The following SLA variants were observed in gnomAD, a reference collection of about 807,000 sequenced individuals.
SLA encodes Src like adaptor.
Under a neutral mutation model 30.3 loss-of-function variants are expected in SLA, and 16 were observed. That is an observed-to-expected ratio of 0.53 (90% CI 0.36 to 0.80). The LOEUF (loss-of-function observed/expected upper bound fraction) is 0.80, where lower values mean the gene tolerates loss of function less well. Among genes scored for constraint, SLA ranks in the 30% least tolerant of loss-of-function variants. The probability of loss-of-function intolerance (pLI) is 0.01; values close to 1 mark genes in which losing one functional copy is unlikely to be tolerated. For missense variants in SLA, 310 were observed against 345.2 expected, an observed-to-expected ratio of 0.90 and a Z score of 0.81; for synonymous variants, 143 against 137.8, an observed-to-expected ratio of 1.04 and a Z score of -0.26.
intron 7 of SLA, among the ~76,000 whole-genome samples, chr8:133,041,700 C>A (rs1012595828): frequency 1.3e-5 from 2 of 151,960 alleles, no homozygotes; most frequent in Non-Finnish European, 1.5e-5. Flanking sequence ...AAAGAACCAC[C>A]ACTCATAAGC....
At chr8:133,042,106 T>C (rs1181438762) in intron 7 of SLA, among the ~76,000 whole-genome samples, 2 of 152,040 alleles carry the variant, frequency 1.3e-5, no homozygotes, top group Non-Finnish European at 2.9e-5. Flanking sequence ...TTTATACCCA[T>C]TTTGGGGAGG....
intron 7 of SLA, among the ~76,000 whole-genome samples, chr8:133,044,464 A>G (rs1838920589): frequency 1.3e-5 from 2 of 152,182 alleles, no homozygotes; most frequent in Non-Finnish European, 2.9e-5. Context: ...ACAGCCTAGC[A>G]CACAATTAAC....
intron 1 of SLA, among the ~76,000 whole-genome samples, chr8:133,090,768 G>T (rs1847378763): frequency 6.6e-6 from 1 of 152,196 alleles, no homozygotes. Context: ...AGCTCAGAAA[G>T]ACAAAGGAAA....
chr8:133,078,425 G>C (rs57893191), intron 1 of SLA, among the ~76,000 whole-genome samples: 1 of 152,136 alleles, frequency 6.6e-6, no homozygotes, highest in Non-Finnish European at 1.5e-5. Context: ...TGTCTTCCCT[G>C]CTCCTCCACC....
At chr8:133,096,166 A>G (rs1309046681) in intron 1 of SLA, 3 of 1,611,222 alleles carry the variant, frequency 1.9e-6, no homozygotes, top group Non-Finnish European at 2.5e-6. Flanking sequence ...AGTGCAACTG[A>G]TTATTCCAGG....
chr8:133,087,394 G>T (rs900203661), intron 1 of SLA, among the ~76,000 whole-genome samples: 2 of 152,138 alleles, frequency 1.3e-5, no homozygotes, highest in Non-Finnish European at 2.9e-5. Context: ...AAGGCTTATT[G>T]CTGGACCTCT....
intron 1 of SLA, among the ~76,000 whole-genome samples, chr8:133,092,396 A>G (rs1437731920): frequency 1.3e-5 from 2 of 152,244 alleles, no homozygotes; most frequent in African/African-American, 4.8e-5. Context: ...ACTCCTCGCC[A>G]TTGAATAGCT....
intron 3 of SLA, among the ~76,000 whole-genome samples, chr8:133,053,191 C>T (rs561990803): frequency 1.3e-5 from 2 of 152,286 alleles, no homozygotes; most frequent in South Asian, 4.1e-4. Flanking sequence ...CTCAGCCTTC[C>T]TGCTGTACTA....
At chr8:133,077,032 A>C (rs1419013212) in intron 1 of SLA, among the ~76,000 whole-genome samples, 1 of 152,086 alleles carries the variant, frequency 6.6e-6, no homozygotes, top group African/African-American at 2.4e-5. Flanking sequence ...GATGGGACCG[A>C]GGGGCGCAGA....
intron 1 of SLA, among the ~76,000 whole-genome samples, chr8:133,093,662 G>A (rs1178424254): frequency 6.6e-6 from 1 of 152,124 alleles, no homozygotes; most frequent in Non-Finnish European, 1.5e-5. Context: ...ATTCTGACTG[G>A]CCTTGCCTCT....
intron 1 of SLA, among the ~76,000 whole-genome samples, chr8:133,089,115 A>G (rs1847086905): frequency 6.6e-6 from 1 of 152,160 alleles, no homozygotes; most frequent in African/African-American, 2.4e-5. Context: ...ACTCTGGGTC[A>G]CACACTACCC....
chr8:133,063,148 G>C (rs1842615587), intron 2 of SLA, among the ~76,000 whole-genome samples: 1 of 151,154 alleles, frequency 6.6e-6, no homozygotes. Flanking sequence ...ACAGCAAACT[G>C]TCCCAACAAT....
intron 7 of SLA, among the ~76,000 whole-genome samples, chr8:133,043,218 C>T (rs1161113425): frequency 1.3e-5 from 2 of 152,128 alleles, no homozygotes; most frequent in Admixed American, 6.5e-5. Context: ...GGTCAAGCAG[C>T]GGCAGTTAGA....
intron 1 of SLA, among the ~76,000 whole-genome samples, chr8:133,093,147 T>C (rs773599008): frequency 0.2 from 30,463 of 149,864 alleles, 3,467 homozygotes; most frequent in Non-Finnish European, 0.26. Flanking sequence ...TTCTTTTTTT[T>C]TTTTAATTTA....
chr8:133,040,270 T>A (rs1837969603), intron 7 of SLA, 140 bp from the exon 8 acceptor site: 1 of 905,620 alleles, frequency 1.1e-6, no homozygotes, highest in African/African-American at 1.7e-5. Context: ...AGGGGCATGG[T>A]AGGTGGTGAC....
chr8:133,046,491 G>A (rs1238235516), intron 6 of SLA: 1 of 152,234 alleles, frequency 6.6e-6, no homozygotes, highest in South Asian at 2.1e-4. Flanking sequence ...GCAGAACTGG[G>A]AGTGTGGTAA....
At chr8:133,075,292 G>C (rs1275912948) in intron 1 of SLA, among the ~76,000 whole-genome samples, 162 bp from the exon 2 acceptor site, 1 of 152,132 alleles carries the variant, frequency 6.6e-6, no homozygotes, top group African/African-American at 2.4e-5. Context: ...AGAACTCTCT[G>C]GGCCCACGAA....
intron 2 of SLA, among the ~76,000 whole-genome samples, chr8:133,068,810 G>C (rs1587976859): frequency 6.6e-6 from 1 of 152,230 alleles, no homozygotes; most frequent in East Asian, 1.9e-4. Flanking sequence ...TTTCTAGATA[G>C]ACTTTCTGTA....
intron 3 of SLA, among the ~76,000 whole-genome samples, chr8:133,052,102 A>G (rs568117397): frequency 3.9e-5 from 6 of 152,228 alleles, no homozygotes; most frequent in African/African-American, 1.2e-4. Context: ...CAAACAAGCC[A>G]CTTTCTAGGA....
Sources: allele counts gnomAD v4.1 joint callset (sites outside exome capture counted in the v4.1 genomes callset), GRCh38; gene constraint gnomAD v4.1.1; transcripts MANE v1.5; gene names NCBI Gene and HGNC (gene_info 2026-07-23, HGNC 2026-07-21).